LGSN: variants seen among roughly 807,000 people sequenced by gnomAD.
The protein encoded by LGSN is lengsin, lens protein with glutamine synthetase domain, also known as lengsin.
A neutral mutation model predicts 19.5 loss-of-function variants in LGSN; 21 were observed. The ratio of observed to expected loss-of-function variants is 1.07; its 90% confidence interval spans 0.76 to 1.55. LGSN has a LOEUF of 1.55. Ranked by LOEUF, LGSN falls within the 40% of genes most tolerant of loss-of-function variation. The pLI is 0.00. For missense variants in LGSN, 673 were observed against 608.5 expected, an observed-to-expected ratio of 1.11 and a Z score of -1.12; for synonymous variants, 257 against 215.6, an observed-to-expected ratio of 1.19 and a Z score of -1.68.
chr6:63,292,129 C>G (rs1340841787), intron 2 of LGSN, among the ~76,000 whole-genome samples: 1 of 152,152 alleles, frequency 6.6e-6, no homozygotes, highest in African/African-American at 2.4e-5. Context: ...ACTGGATTCT[C>G]TCAACAATCT....
At chr6:63,441,554 G>A in the LGSN span, 3 of 431,214 alleles carry the variant, frequency 7.0e-6, no homozygotes, top group Admixed American at 2.7e-5. Context: ...AGGCAGCAGG[G>A]TTGGAAGTAG....
chr6:63,491,889 C>T, the LGSN span, among the ~76,000 whole-genome samples: 8 of 151,954 alleles, frequency 5.3e-5, no homozygotes, highest in Non-Finnish European at 7.4e-5. Flanking sequence ...ATTAGCCGGG[C>T]GTAGTGGTGT....
the LGSN span, among the ~76,000 whole-genome samples, chr6:63,365,929 G>T: frequency 2.6e-5 from 4 of 152,116 alleles, no homozygotes; most frequent in African/African-American, 7.2e-5. Flanking sequence ...AGTATTGATG[G>T]GATGTATCTC....
rs914675215 is a variant in LGSN at position 63,310,429 on chromosome 6, T to C, written c.30+9485A>G. Among the ~76,000 whole-genome samples, 12 of 152,160 alleles carry C rather than the reference T, an allele frequency of 7.9e-5. No homozygotes were observed. In the East Asian group the frequency reaches 2.3e-3, roughly 29 times the overall value. ...ACATTGTGGAATGGCTAAATTAAGCTATTAGGATATATATTATCTCCCATT... is the reference window on the plus strand; with the variant it reads ...ACATTGTGGAATGGCTAAATTAAGCCATTAGGATATATATTATCTCCCATT... On this transcript the variant is annotated intron_variant, in intron 1 of 3. Transcript: ENST00000370657.
chr6:63,540,866 G>T, the LGSN span, among the ~76,000 whole-genome samples: 2 of 151,494 alleles, frequency 1.3e-5, no homozygotes, highest in Admixed American at 6.6e-5. Context: ...AGCCGGTCTT[G>T]GTGGCGGTCA....
chr6:63,522,968 G>A, the LGSN span, among the ~76,000 whole-genome samples: 7 of 150,590 alleles, frequency 4.6e-5, no homozygotes, highest in Admixed American at 4.0e-4. Flanking sequence ...AGGTTCAAGC[G>A]ATTCTCCTGC....
chr6:63,440,047 A>ATAG, the LGSN span, among the ~76,000 whole-genome samples: 2 of 152,212 alleles, frequency 1.3e-5, no homozygotes, highest in African/African-American at 4.8e-5. Context: ...AAAGACAAAC[A>ATAG]TAGGTTCCTC....
chr6:63,398,783 C>A, the LGSN span, among the ~76,000 whole-genome samples: 2 of 152,144 alleles, frequency 1.3e-5, no homozygotes, highest in African/African-American at 4.8e-5. Flanking sequence ...GAAAAACTTG[C>A]AGTTTTGCAA....
chr6:63,496,198 T>C, the LGSN span, among the ~76,000 whole-genome samples: 1 of 152,240 alleles, frequency 6.6e-6, no homozygotes, highest in Non-Finnish European at 1.5e-5. Flanking sequence ...GTGCTGGGAT[T>C]ACAGGCGTGA....
rs755825048 is a variant in LGSN, at chr6:63,280,233, C to G, written c.1318G>C (p.Gly440Arg). ...TAAAAGTCTGTGCTCTCATCTGGAC[C>G]AGCCAAGACCTCATTACTGCTATGA... ...GLHSSNEVLAGPDESTDFYQV... is the reference protein window; with the variant it reads ...GLHSSNEVLARPDESTDFYQV... The change falls in exon 4 of 4, where the codon GGT becomes CGT. Residue 440 changes from glycine to arginine, a missense_variant. Gly to Arg is a moderately radical substitution (Grantham distance 125). Coordinates refer to ENST00000370657, the MANE Select transcript of LGSN (RefSeq NM_016571.3). 8 of 1,614,068 alleles carry G rather than the reference C, an allele frequency of 5.0e-6. No homozygotes were observed. The highest frequency in any genetic ancestry group is 6.8e-6 in the Non-Finnish European group (8 of 1,180,034).
the LGSN span, among the ~76,000 whole-genome samples, chr6:63,364,054 A>G: frequency 1.3e-5 from 2 of 152,210 alleles, no homozygotes; most frequent in African/African-American, 4.8e-5. Context: ...CATCATAATG[A>G]CAGGATCAAA....
At chr6:63,454,496 A>G in the LGSN span, among the ~76,000 whole-genome samples, 1 of 134,084 alleles carries the variant, frequency 7.5e-6, no homozygotes, top group African/African-American at 2.7e-5. Context: ...TTTTTGAGAC[A>G]GAGTCCTGTT....
At chr6:63,330,760 C>A in the LGSN span, among the ~76,000 whole-genome samples, 1 of 152,194 alleles carries the variant, frequency 6.6e-6, no homozygotes. Flanking sequence ...GGGAATTTGT[C>A]CCTTTCTTCA....
chr6:63,548,653 G>A, the LGSN span: 6 of 422,632 alleles, frequency 1.4e-5, no homozygotes, highest in East Asian at 2.3e-4. Flanking sequence ...ATTTTTCAAG[G>A]AAAATTTGTT....
At chr6:63,557,435 G>A in the LGSN span, among the ~76,000 whole-genome samples, 4 of 151,868 alleles carry the variant, frequency 2.6e-5, no homozygotes, top group African/African-American at 7.3e-5. Context: ...TGTAGTGTGC[G>A]TGCCTGTAAT....
At chr6:63,355,108 G>A in the LGSN span, among the ~76,000 whole-genome samples, 1 of 152,206 alleles carries the variant, frequency 6.6e-6, no homozygotes, top group South Asian at 2.1e-4. Context: ...CTACACAGAG[G>A]ACTTGAAATG....
the LGSN span, among the ~76,000 whole-genome samples, chr6:63,500,154 C>G: frequency 1.3e-5 from 2 of 152,134 alleles, no homozygotes; most frequent in Non-Finnish European, 2.9e-5. Flanking sequence ...AAATTTTTCT[C>G]ATAAGTGTTA....
chr6:63,358,922 G>C, the LGSN span, among the ~76,000 whole-genome samples: 1 of 152,240 alleles, frequency 6.6e-6, no homozygotes, highest in Admixed American at 6.5e-5. Flanking sequence ...GTTTTCAAAG[G>C]GAATGCTTCC....
At chr6:63,562,715 G>C in the LGSN span, among the ~76,000 whole-genome samples, 2 of 152,164 alleles carry the variant, frequency 1.3e-5, no homozygotes, top group Non-Finnish European at 2.9e-5. Flanking sequence ...TCTATCAAGA[G>C]TTTAATTGTT....
Sources: allele counts gnomAD v4.1 joint callset (sites outside exome capture counted in the v4.1 genomes callset), GRCh38; gene constraint gnomAD v4.1.1; transcripts MANE v1.5; gene names NCBI Gene and HGNC (gene_info 2026-07-23, HGNC 2026-07-21).